Variants in GLRA2 observed in about 807,000 individuals in gnomAD.
The protein encoded by GLRA2 is glycine receptor alpha 2.
In GLRA2, 11 loss-of-function variants were observed where a neutral mutation model predicts 31.6. That is an observed-to-expected ratio of 0.35 (90% CI 0.22 to 0.58). GLRA2 has a LOEUF of 0.58. GLRA2 is among the 20% of genes least tolerant of loss of function. The probability of loss-of-function intolerance (pLI) is 0.84; values close to 1 mark genes in which losing one functional copy is unlikely to be tolerated. For synonymous variants in GLRA2, 132 were observed against 134.0 expected, an observed-to-expected ratio of 0.99 and a Z score of 0.10; for missense variants, 212 against 351.8, an observed-to-expected ratio of 0.60 and a Z score of 3.18.
intron 1 of GLRA2, chrX:14,531,297 G>C: frequency 9.5e-6 from 3 of 315,707 alleles, no homozygotes; most frequent in Non-Finnish European, 1.7e-5. Context: ...TATTTTCTTA[G>C]TGATAGAATT....
chrX:14,671,122 C>T lies in GLRA2; in HGVS notation c.931-19588C>T, dbSNP rs187359251. Among the ~76,000 whole-genome samples the T allele has an allele frequency of 9.8e-5, 11 of 112,045 alleles. No individual in the cohort carries two copies. The East Asian group carries it at 3.1e-3, about 32-fold the overall frequency. ...TCCTAAATTGATTTGGTACTTACTG[C>T]TTGAAGAATGTTTTTTGATTCATGT... On this transcript the variant is annotated intron_variant, in intron 7 of 8. Coordinates refer to ENST00000218075, the MANE Select transcript of GLRA2 (RefSeq NM_002063.4).
chrX:14,690,659 T>G (rs761123555), intron 7 of GLRA2, 51 bp from the exon 8 acceptor site: 1 of 774,728 alleles, frequency 1.3e-6, no homozygotes, highest in South Asian at 2.5e-5. Context: ...TAGTCTTTCT[T>G]TCTCTCTCTC....
intron 4 of GLRA2, among the ~76,000 whole-genome samples, chrX:14,583,096 G>A (rs2090040853): frequency 9.0e-6 from 1 of 110,748 alleles, no homozygotes; most frequent in African/African-American, 3.3e-5. Context: ...TTAGAAAAAT[G>A]CAAATAAAAA....
chrX:14,478,450 C>A, the GLRA2 span, among the ~76,000 whole-genome samples: 2 of 111,831 alleles, frequency 1.8e-5, no homozygotes, highest in African/African-American at 6.5e-5. Context: ...CATTGTATTG[C>A]TAGCTAGATG....
the GLRA2 span, among the ~76,000 whole-genome samples, chrX:14,523,411 ACTTT>A: frequency 1.8e-5 from 2 of 112,127 alleles, no homozygotes; most frequent in Non-Finnish European, 1.9e-5. Flanking sequence ...ACGCAGTTTC[ACTTT>A]CTTAACATTT....
At chrX:14,464,418 C>T in the GLRA2 span, among the ~76,000 whole-genome samples, 17 of 111,569 alleles carry the variant, frequency 1.5e-4, no homozygotes, top group African/African-American at 5.2e-4. Context: ...GTTTTCCCAG[C>T]ACCATTTATT....
At chrX:14,460,997 G>C in the GLRA2 span, among the ~76,000 whole-genome samples, 3 of 111,543 alleles carry the variant, frequency 2.7e-5, no homozygotes, top group Admixed American at 1.9e-4. Context: ...TGGGCATTTA[G>C]TGCTATAAAT....
At chrX:14,505,224 A>G in the GLRA2 span, among the ~76,000 whole-genome samples, 1 of 112,202 alleles carries the variant, frequency 8.9e-6, no homozygotes, top group African/African-American at 3.2e-5. Flanking sequence ...GAAGGATTCT[A>G]TGAGTCAGAA....
chrX:14,577,245 A>T (rs2089967430), intron 3 of GLRA2, among the ~76,000 whole-genome samples: 1 of 113,523 alleles, frequency 8.8e-6, no homozygotes, highest in Non-Finnish European at 1.9e-5. Flanking sequence ...GGCCCAAGTT[A>T]GCAAATAGGT....
In GLRA2 at chrX:14,606,266, A is replaced by C. The variant is rs907024932; in HGVS notation, c.578-865A>C. 5.4e-5 allele frequency among the ~76,000 whole-genome samples: 6 copies of C among 110,348 alleles called. No individual in the cohort carries two copies. In the East Asian group the frequency reaches 1.4e-3, roughly 26 times the overall value. On this transcript the variant is annotated intron_variant, in intron 5 of 8. Coordinates refer to ENST00000218075, the MANE Select transcript of GLRA2 (RefSeq NM_002063.4). Reference sequence around the variant, plus strand: ...AAGTTCAAATATTACAAACAAAGGGAAAAGGTAGAGAAATGGTGCATGAAA... The same window carrying C: ...AAGTTCAAATATTACAAACAAAGGGCAAAGGTAGAGAAATGGTGCATGAAA...
the GLRA2 span, among the ~76,000 whole-genome samples, chrX:14,500,034 T>G: frequency 8.9e-6 from 1 of 112,054 alleles, no homozygotes; most frequent in African/African-American, 3.2e-5. Context: ...TTCACTTTGC[T>G]GTGCAGAAGC....
At chrX:14,650,743 C>G (rs1393610426) in intron 7 of GLRA2, among the ~76,000 whole-genome samples, 1 of 111,811 alleles carries the variant, frequency 8.9e-6, no homozygotes, top group Non-Finnish European at 1.9e-5. Context: ...GTCTTACTTT[C>G]ATTTGCATCC....
intron 8 of GLRA2, among the ~76,000 whole-genome samples, chrX:14,703,413 A>G (rs930098604): frequency 1.8e-5 from 2 of 111,276 alleles, no homozygotes; most frequent in African/African-American, 6.5e-5. Context: ...TGCCATGTGT[A>G]CCTCTGACCA....
chrX:14,500,399 G>A, the GLRA2 span, among the ~76,000 whole-genome samples: 15 of 112,576 alleles, frequency 1.3e-4, no homozygotes, highest in Admixed American at 1.1e-3. Context: ...TCATGCCCAG[G>A]GGACCTGAAA....
chrX:14,716,061 C>T (rs1184536304), intron 8 of GLRA2, among the ~76,000 whole-genome samples: 1 of 111,417 alleles, frequency 9.0e-6, no homozygotes, highest in Non-Finnish European at 1.9e-5. Context: ...GTATAGTATG[C>T]ATACTCACGA....
chrX:14,506,884 G>A, the GLRA2 span, among the ~76,000 whole-genome samples: 1 of 111,688 alleles, frequency 9.0e-6, no homozygotes, highest in African/African-American at 3.3e-5. Flanking sequence ...GGACCAGAGA[G>A]GTACAGCAAG....
intron 4 of GLRA2, among the ~76,000 whole-genome samples, chrX:14,600,061 C>A (rs923918709): frequency 9.0e-6 from 1 of 110,946 alleles, no homozygotes; most frequent in East Asian, 2.8e-4. Flanking sequence ...GAAAAAAAAA[C>A]CCACTGAGTT....
chrX:14,610,419 A>AT (rs762261434), intron 7 of GLRA2, among the ~76,000 whole-genome samples: 34 of 112,221 alleles, frequency 3.0e-4, no homozygotes, highest in African/African-American at 1.1e-3. Context: ...AGAGAAAGGA[A>AT]TAGAGGTATC....
chrX:14,696,853 A>G (rs190630365), intron 8 of GLRA2, among the ~76,000 whole-genome samples: 14 of 112,213 alleles, frequency 1.2e-4, no homozygotes, highest in Admixed American at 8.5e-4. Context: ...TGCATGTTTG[A>G]CATGGAGATG....
Sources: gnomAD v4.1 joint callset for allele counts (sites outside exome capture counted in the v4.1 genomes callset) on GRCh38, gnomAD v4.1.1 for gene constraint, MANE v1.5 for transcripts, NCBI Gene and HGNC (gene_info 2026-07-23, HGNC 2026-07-21) for gene names.